Variants in GNAL observed in about 807,000 individuals in gnomAD.
GNAL encodes the protein G protein subunit alpha L, also known as guanine nucleotide-binding protein G(olf) subunit alpha.
Under a neutral mutation model 55.1 loss-of-function variants are expected in GNAL, and 18 were observed. That is an observed-to-expected ratio of 0.33 (90% CI 0.23 to 0.48). GNAL has a LOEUF of 0.48. Among genes scored for constraint, GNAL ranks in the 20% least tolerant of loss-of-function variants. The pLI is 0.99. For synonymous variants in GNAL, 253 were observed against 237.0 expected (o/e 1.07, Z -0.62); for missense variants, 412 against 614.1 (o/e 0.67, Z 3.48).
intron 5 of GNAL, among the ~76,000 whole-genome samples, chr18:11,862,003 G>A (rs2036156801): frequency 7.6e-6 from 1 of 132,210 alleles, no homozygotes; most frequent in Non-Finnish European, 1.8e-5. Flanking sequence ...ATCTGGATTT[G>A]ATTAGGAAAC....
chr18:11,817,332 A>C (rs891708531), intron 4 of GNAL, among the ~76,000 whole-genome samples: 1 of 152,184 alleles, frequency 6.6e-6, no homozygotes, highest in African/African-American at 2.4e-5. Context: ...AGTGAACTTA[A>C]GCAGTTTTAT....
At chr18:11,858,283 C>A (rs893863172) in intron 5 of GNAL, among the ~76,000 whole-genome samples, 1 of 152,102 alleles carries the variant, frequency 6.6e-6, no homozygotes, top group South Asian at 2.1e-4. Flanking sequence ...GAGTAAATTT[C>A]TTTTTAACTA....
chr18:11,884,070 ATATT>A lies in GNAL; in HGVS notation c.*2943_*2946del, dbSNP rs113400359. On this transcript the variant is annotated 3_prime_UTR_variant, in exon 12 of 12. Transcript: ENST00000334049. ...TTCACAGGAAGAGGGAAACAGCCCA[ATATT>A]TATTTATGTATACACATAATCCCAA... 0.08 allele frequency: 14,541 copies of A among 181,868 alleles called. 903 individuals are homozygous for A. Among genetic ancestry groups the A allele is most frequent in the African/African-American group, 0.18 (7,486 of 42,314 alleles). 11.3% of individuals were successfully genotyped at this position (181,868 alleles called of 1,614,324 possible). A position where few individuals can be genotyped will look rare whatever the true frequency, so the allele number is the denominator to read the frequency against.
chr18:11,698,025 A>G (rs899378793), intron 1 of GNAL, among the ~76,000 whole-genome samples: 1 of 152,096 alleles, frequency 6.6e-6, no homozygotes, highest in African/African-American at 2.4e-5. Flanking sequence ...GGACGTGCAG[A>G]GTGAGAAAGG....
At chr18:11,738,741 G>C (rs868240903) in intron 1 of GNAL, among the ~76,000 whole-genome samples, 1 of 152,084 alleles carries the variant, frequency 6.6e-6, no homozygotes, top group African/African-American at 2.4e-5. Context: ...GAGCCACCAC[G>C]CCCAGCCAAG....
intron 4 of GNAL, among the ~76,000 whole-genome samples, chr18:11,785,743 C>T (rs1207571222): frequency 6.6e-6 from 1 of 152,114 alleles, no homozygotes; most frequent in African/African-American, 2.4e-5. Flanking sequence ...CCCTTCTGCC[C>T]AGAGACCCAG....
chr18:11,728,656 C>A (rs2032268073), intron 1 of GNAL, among the ~76,000 whole-genome samples: 1 of 152,162 alleles, frequency 6.6e-6, no homozygotes, highest in Non-Finnish European at 1.5e-5. Flanking sequence ...ACAATTATTT[C>A]TGAACTTCAT....
intron 1 of GNAL, among the ~76,000 whole-genome samples, chr18:11,743,694 T>C (rs1490691991): frequency 6.6e-6 from 1 of 152,240 alleles, no homozygotes; most frequent in Non-Finnish European, 1.5e-5. Context: ...ACAACATGTG[T>C]TTGAATATCT....
At chr18:11,733,886 A>G (rs1227887460) in intron 1 of GNAL, among the ~76,000 whole-genome samples, 1 of 151,916 alleles carries the variant, frequency 6.6e-6, no homozygotes, top group Non-Finnish European at 1.5e-5. Context: ...AAAAAAAAAA[A>G]AAAAAGTCCA....
At chr18:11,769,200 ATAAT>A in intron 4 of GNAL, among the ~76,000 whole-genome samples, 1 of 109,120 alleles carries the variant, frequency 9.2e-6, no homozygotes, top group Non-Finnish European at 2.0e-5. Flanking sequence ...TAAATTATAT[ATAAT>A]ATATATAATG....
chr18:11,758,679 A>AT (rs1173801232), intron 4 of GNAL, among the ~76,000 whole-genome samples: 1 of 152,224 alleles, frequency 6.6e-6, no homozygotes, highest in Non-Finnish European at 1.5e-5. Context: ...CAGTTGCCTG[A>AT]TTAGAGTTTT....
intron 5 of GNAL, chr18:11,853,830 AT>A (rs1287479053): frequency 6.0e-6 from 1 of 166,398 alleles, no homozygotes; most frequent in Non-Finnish European, 1.5e-5. Context: ...CCCCTCTTTT[AT>A]TTTATTTTTG....
chr18:11,697,749 G>A (rs2031455604), intron 1 of GNAL, among the ~76,000 whole-genome samples: 1 of 149,906 alleles, frequency 6.7e-6, no homozygotes, highest in African/African-American at 2.5e-5. Context: ...AAAATGGCAA[G>A]GACATTCTCC....
rs112982650 is a variant in GNAL, at chr18:11,858,260, GA to G, written c.723-4126del. ...GTCCTCAGCTGTCACAGGAAATAAT[GA>G]AAAAAAAATCAGAGTAAATTTCTTT... is the stretch of plus-strand genomic sequence containing the variant. On this transcript the variant is annotated intron_variant, in intron 5 of 11. Coordinates refer to ENST00000334049, the MANE Select transcript of GNAL (RefSeq NM_182978.4). 1.4e-4 allele frequency among the ~76,000 whole-genome samples: 21 copies of G among 150,932 alleles called. No homozygotes were observed. In the East Asian group the frequency reaches 3.1e-3, roughly 22 times the overall value.
intron 4 of GNAL, among the ~76,000 whole-genome samples, chr18:11,769,992 A>G (rs2033583367): frequency 6.6e-6 from 1 of 152,224 alleles, no homozygotes; most frequent in Non-Finnish European, 1.5e-5. Context: ...TAATATTTTT[A>G]TAGTTTTCAG....
chr18:11,689,509 C>A lies in GNAL; in HGVS notation c.-55C>A. Reference sequence around the variant, plus strand: ...AACTGGGCGCGGGAACCAGGCCGCCCTCGGCGCCCAGCCTGCCCTAGTCCC... The same window carrying A: ...AACTGGGCGCGGGAACCAGGCCGCCATCGGCGCCCAGCCTGCCCTAGTCCC... On this transcript the variant is annotated 5_prime_UTR_variant, in exon 1 of 12. Transcript: ENST00000334049. The A allele has an allele frequency of 3.3e-6, 3 of 914,912 alleles. No individual in the cohort carries two copies. The highest frequency in any genetic ancestry group is 5.2e-5 in the South Asian group (1 of 19,386). The allele number at this position is 914,912 out of a possible 1,614,324, so 56.7% of individuals were successfully genotyped here.
Position 11,752,648 on chromosome 18 carries a change from G to C in GNAL, c.377-205G>C. The C allele has an allele frequency of 1.4e-6, 2 of 1,422,898 alleles. No individual in the cohort carries two copies. Among genetic ancestry groups the C allele is most frequent in the African/African-American group, 1.5e-5 (1 of 65,888 alleles). The allele number at this position is 1,422,898 out of a possible 1,614,324, so 88.1% of individuals were successfully genotyped here. A position where few individuals can be genotyped will look rare whatever the true frequency, so the allele number is the denominator to read the frequency against. On this transcript the variant is annotated intron_variant, in intron 1 of 11. Transcript: ENST00000334049. This position sits in a 1 kb window ranked among gnomAD's most constrained non-coding sequence, Gnocchi z 4.5. ...CACAGCCAGGAGCGGCGAGCGCCAG[G>C]CTGGGCGGGCAGGGCCGGGCGAGGG...
chr18:11,881,261 C>T lies in GNAL; in HGVS notation c.*126C>T, dbSNP rs776148423. On this transcript the variant is annotated 3_prime_UTR_variant, in exon 12 of 12. Transcript: ENST00000334049. This position sits in a 1 kb window ranked among gnomAD's most constrained non-coding sequence, Gnocchi z 4.8. ...CGTCTGTCCCGTTCTGTGTCGACCA[C>T]CAAGCCTCTGGCTACCTCTGTCCCC... 7 of 961,070 alleles carry T rather than the reference C, an allele frequency of 7.3e-6. No individual in the cohort carries two copies. The highest frequency in any genetic ancestry group is 1.1e-5 in the Non-Finnish European group (7 of 663,316). The allele number at this position is 961,070 out of a possible 1,614,324, so 59.5% of individuals were successfully genotyped here.
chr18:11,872,462 C>T (rs1031992906), intron 10 of GNAL, 64 bp downstream of exon 10: 16 of 1,013,036 alleles, frequency 1.6e-5, no homozygotes, highest in Admixed American at 1.0e-4. Context: ...AGTCCTGTAA[C>T]TCTAATTCAC....
Sources: gnomAD v4.1 joint callset for allele counts (sites outside exome capture counted in the v4.1 genomes callset) on GRCh38, gnomAD v4.1.1 for gene constraint, Gnocchi (gnomAD v3.1) non-coding constraint, MANE v1.5 for transcripts, NCBI Gene and HGNC (gene_info 2026-07-23, HGNC 2026-07-21) for gene names.